The following TRPM3 variants were observed in gnomAD, a reference collection of about 807,000 sequenced individuals.
TRPM3 encodes the protein transient receptor potential cation channel subfamily M member 3, also known as long transient receptor potential channel 3.
TRPM3 carries 77 observed loss-of-function variants against 181.2 expected under a neutral mutation model. The ratio of observed to expected loss-of-function variants is 0.42; its 90% CI spans 0.35 to 0.51. The LOEUF (loss-of-function observed/expected upper bound fraction) is 0.51, where lower values mean the gene tolerates loss of function less well. TRPM3 is among the 20% of genes least tolerant of loss of function. The pLI, the probability that TRPM3 is intolerant of heterozygous loss-of-function variation, is 0.01. For synonymous variants in TRPM3, 745 were observed against 796.4 expected, an observed-to-expected ratio of 0.94 and a Z score of 1.09; for missense variants, 1,759 against 2,196.7, an observed-to-expected ratio of 0.80 and a Z score of 3.98.
chr9:70,762,929 G>C (rs1478544467), intron 7 of TRPM3, among the ~76,000 whole-genome samples: 1 of 152,096 alleles, frequency 6.6e-6, no homozygotes, highest in Non-Finnish European at 1.5e-5. Flanking sequence ...ATTTGAGCAG[G>C]CAGTTGTGGA....
At chr9:71,287,581 A>G (rs2085402356) in intron 1 of TRPM3, among the ~76,000 whole-genome samples, 1 of 151,634 alleles carries the variant, frequency 6.6e-6, no homozygotes, top group Admixed American at 6.6e-5. Flanking sequence ...CAACTGCTGG[A>G]CTTCAATGTA....
chr9:71,373,013 C>T (rs2092566256), intron 1 of TRPM3, among the ~76,000 whole-genome samples: 1 of 152,158 alleles, frequency 6.6e-6, no homozygotes, highest in Non-Finnish European at 1.5e-5. Context: ...CAACCTGCTG[C>T]TGAATGACTC....
At chr9:70,840,862 CATAA>C (rs150465293) in intron 5 of TRPM3, among the ~76,000 whole-genome samples, 2,582 of 152,168 alleles carry the variant, frequency 0.017, 77 homozygotes, top group African/African-American at 0.058. Context: ...CTCTATCTTG[CATAA>C]ATAAATAATC....
At chr9:71,370,437 C>G (rs1434989774) in intron 1 of TRPM3, among the ~76,000 whole-genome samples, 2 of 152,000 alleles carry the variant, frequency 1.3e-5, no homozygotes, top group Non-Finnish European at 2.9e-5. Flanking sequence ...AGCAAAACAG[C>G]CTTGTTGCTG....
intron 1 of TRPM3, among the ~76,000 whole-genome samples, chr9:71,238,463 G>T (rs1026376763): frequency 1.3e-5 from 2 of 152,084 alleles, no homozygotes; most frequent in African/African-American, 4.8e-5. Flanking sequence ...AGTTAATTTT[G>T]GCCAGCCCTC....
chr9:70,752,049 T>TGTGCGC (rs1273744922), intron 8 of TRPM3, among the ~76,000 whole-genome samples: 128 of 116,420 alleles, frequency 1.1e-3, no homozygotes, highest in Middle Eastern at 4.1e-3. Flanking sequence ...TGTGTGTGTG[T>TGTGCGC]GCGCGCGCGC....
chr9:70,690,177 C>G (rs1317038114), intron 8 of TRPM3, among the ~76,000 whole-genome samples: 1 of 152,124 alleles, frequency 6.6e-6, no homozygotes, highest in African/African-American at 2.4e-5. Flanking sequence ...AAGGAACACT[C>G]TACAATCATT....
intron 1 of TRPM3, among the ~76,000 whole-genome samples, chr9:71,107,012 G>A (rs2069761348): frequency 6.6e-6 from 1 of 152,168 alleles, no homozygotes; most frequent in African/African-American, 2.4e-5. Context: ...GGACAATGGT[G>A]CTGTCTATGG....
At chr9:70,911,565 C>T (rs1250564141) in intron 1 of TRPM3, among the ~76,000 whole-genome samples, 2 of 152,188 alleles carry the variant, frequency 1.3e-5, no homozygotes, top group African/African-American at 4.8e-5. Flanking sequence ...AACATGAACT[C>T]ATGACATTCT....
chr9:71,331,502 A>G (rs1020208603), intron 1 of TRPM3, among the ~76,000 whole-genome samples: 5 of 151,782 alleles, frequency 3.3e-5, no homozygotes, highest in African/African-American at 4.8e-5. Flanking sequence ...GTAAAACATA[A>G]TTATTCTATA....
At position 71,317,666 on chromosome 9, in the gene TRPM3, A is replaced by AAT. The variant is rs909032593; in HGVS notation, c.183+128985_183+128986dup. Among the ~76,000 whole-genome samples the AAT allele has an allele frequency of 9.7e-3, 949 of 97,738 alleles. 9 individuals carry two copies. The highest frequency in any genetic ancestry group is 0.027 in the African/African-American group (898 of 33,134). 64.1% of individuals were successfully genotyped at this position (97,738 alleles called of 152,430 possible). On this transcript the variant is annotated intron_variant, in intron 1 of 24. Coordinates refer to the TRPM3 transcript ENST00000357533. ...AAAAAAAAAAAAAAGAAAAAGAAAA[A>AAT]ATATATATATATACACACACACACA...
rs2040628505 is a variant in TRPM3, at chr9:70,529,782, T to C, written c.*6171A>G. ...TGGCTCTAAATCAGAGGTCCCAAACTATTGCCTTTGGGACTGAATGCTGCT... is the reference window on the plus strand; with the variant it reads ...TGGCTCTAAATCAGAGGTCCCAAACCATTGCCTTTGGGACTGAATGCTGCT... On this transcript the variant is annotated 3_prime_UTR_variant, in exon 26 of 26. Transcript: ENST00000677713. 6.6e-6 allele frequency: 1 copy of C among 152,230 alleles called. No homozygotes were observed. Among genetic ancestry groups the C allele is most frequent in the South Asian group, 2.1e-4 (1 of 4,830 alleles). 9.4% of individuals were successfully genotyped at this position (152,230 alleles called of 1,614,324 possible). A position where few individuals can be genotyped will look rare whatever the true frequency, so the allele number is the denominator to read the frequency against.
chr9:70,969,753 A>ATT (rs1184486540), intron 1 of TRPM3, among the ~76,000 whole-genome samples: 5 of 64,552 alleles, frequency 7.7e-5, no homozygotes, highest in African/African-American at 1.2e-4. Context: ...AGACTGAATG[A>ATT]TTTTATATAT....
At chr9:71,253,742 G>A (rs577679333) in intron 1 of TRPM3, among the ~76,000 whole-genome samples, 9 of 152,154 alleles carry the variant, frequency 5.9e-5, no homozygotes, top group South Asian at 4.2e-4. Flanking sequence ...TCAAAGAGAC[G>A]TCTACACTCC....
chr9:71,308,165 C>T lies in TRPM3; in HGVS notation c.183+138488G>A, dbSNP rs182741353. Among the ~76,000 whole-genome samples, 95 of 151,968 alleles carry T rather than the reference C, an allele frequency of 6.3e-4. No homozygotes were observed. The East Asian group carries it at 0.015, about 24-fold the overall frequency. On this transcript the variant is annotated intron_variant, in intron 1 of 24. Transcript: ENST00000357533. ...TTGTATTTTTGGTGGTGAGCCACCA[C>T]ACCTGGCAATGTTTTACTCAAGTTT...
intron 4 of TRPM3, among the ~76,000 whole-genome samples, chr9:70,843,773 G>A (rs999384715): frequency 2.5e-4 from 34 of 135,970 alleles, no homozygotes; most frequent in African/African-American, 8.5e-4. Context: ...GATGTTAGGC[G>A]GCATAACTCT....
chr9:71,370,767 A>G (rs1319654774), intron 1 of TRPM3, among the ~76,000 whole-genome samples: 1 of 152,226 alleles, frequency 6.6e-6, no homozygotes, highest in Non-Finnish European at 1.5e-5. Flanking sequence ...CCCAATGAAG[A>G]CAAAGCAGCC....
At chr9:71,274,335 G>A (rs1057183967) in intron 1 of TRPM3, among the ~76,000 whole-genome samples, 25 of 152,224 alleles carry the variant, frequency 1.6e-4, no homozygotes, top group African/African-American at 5.5e-4. Context: ...GGTTTTACTG[G>A]GTAAGACTTA....
At chr9:71,409,943 G>T (rs1005337843) in intron 1 of TRPM3, among the ~76,000 whole-genome samples, 1 of 152,130 alleles carries the variant, frequency 6.6e-6, no homozygotes, top group African/African-American at 2.4e-5. Context: ...TGGAACTCAG[G>T]ATTAAAAAAC....
Sources: gnomAD v4.1 joint callset for allele counts (sites outside exome capture counted in the v4.1 genomes callset) on GRCh38, gnomAD v4.1.1 for gene constraint, MANE v1.5 for transcripts, NCBI Gene and HGNC (gene_info 2026-07-23, HGNC 2026-07-21) for gene names.